Variants in PAX7 observed in about 807,000 individuals in gnomAD.
The protein encoded by PAX7 is paired box 7.
A neutral mutation model predicts 50.7 loss-of-function variants in PAX7; 18 were observed. That is an observed-to-expected ratio of 0.36 (90% CI 0.25 to 0.53). PAX7 has a LOEUF of 0.53. PAX7 is among the 20% of genes least tolerant of loss of function. PAX7 has a pLI of 0.93. For synonymous variants in PAX7, 310 were observed against 290.4 expected (o/e 1.07, Z -0.69); for missense variants, 644 against 702.9 (o/e 0.92, Z 0.95).
intron 4 of PAX7, among the ~76,000 whole-genome samples, chr1:18,690,968 G>A (rs2089059941): frequency 6.6e-6 from 1 of 152,200 alleles, no homozygotes; most frequent in Non-Finnish European, 1.5e-5. Flanking sequence ...TTGATGGGCA[G>A]CTCTGGACAC....
intron 7 of PAX7, among the ~76,000 whole-genome samples, chr1:18,705,727 A>G (rs951813951): frequency 1.3e-5 from 2 of 152,216 alleles, no homozygotes; most frequent in African/African-American, 4.8e-5. Flanking sequence ...AGGAGACTTC[A>G]GGGTTGGATG....
At chr1:18,669,731 G>A (rs1274101858) in intron 4 of PAX7, among the ~76,000 whole-genome samples, 1 of 152,244 alleles carries the variant, frequency 6.6e-6, no homozygotes, top group East Asian at 1.9e-4. Context: ...TTTGAGACGT[G>A]GACAGTAGCT....
At chr1:18,709,305 G>A (rs1191270656) in intron 7 of PAX7, among the ~76,000 whole-genome samples, 2 of 152,204 alleles carry the variant, frequency 1.3e-5, no homozygotes, top group Non-Finnish European at 2.9e-5. Context: ...GTGCTCTTTT[G>A]TAATGTCCCA....
chr1:18,711,623 A>G lies in PAX7; in HGVS notation c.1155+8327A>G, dbSNP rs142069895. 6.1e-3 allele frequency among the ~76,000 whole-genome samples: 933 copies of G among 152,106 alleles called. 10 individuals are homozygous for G. The highest frequency in any genetic ancestry group is 0.021 in the African/African-American group (875 of 41,488). On this transcript the variant is annotated intron_variant, in intron 7 of 8. Transcript: ENST00000420770. ...AAGGCTGTCTCCTGCTCCTCCCTCA[A>G]GCCCCTGGGGAAGGACGAGCTGATG...
chr1:18,682,379 A>G (rs683734), intron 4 of PAX7, among the ~76,000 whole-genome samples: 150,515 of 152,264 alleles, frequency 0.99, 74,396 homozygotes, highest in East Asian at 1. Context: ...CCCTTCAGAC[A>G]TCAGCATGGA....
chr1:18,707,832 G>A (rs574934604), intron 7 of PAX7, among the ~76,000 whole-genome samples: 44 of 152,212 alleles, frequency 2.9e-4, no homozygotes, highest in Non-Finnish European at 5.0e-4. Context: ...ATCTAGGGAA[G>A]CCACCCCCCA....
intron 7 of PAX7, among the ~76,000 whole-genome samples, chr1:18,714,197 G>C (rs11807236): frequency 0.022 from 2,369 of 108,234 alleles, 68 homozygotes; most frequent in African/African-American, 0.066. Context: ...ACAGAATGAG[G>C]CTCCGTCTCA....
At chr1:18,736,136 T>C in intron 8 of PAX7, 1 of 644,080 alleles carries the variant, frequency 1.6e-6, no homozygotes, top group South Asian at 2.0e-5. Flanking sequence ...AACACAAATA[T>C]CACTTAACAT....
intron 7 of PAX7, among the ~76,000 whole-genome samples, chr1:18,723,766 G>A (rs1208594568): frequency 2.6e-5 from 4 of 152,162 alleles, no homozygotes. Context: ...AATATGCATA[G>A]CCAGGATCTT....
At position 18,700,793 on chromosome 1, in the gene PAX7, CT is replaced by C; in HGVS notation, c.928del (p.Tyr310ThrfsTer57). The C allele has an allele frequency of 6.4e-7, 1 of 1,561,460 alleles. No homozygotes were observed. Among genetic ancestry groups the C allele is most frequent in the Non-Finnish European group, 8.7e-7 (1 of 1,153,448 alleles). On this transcript the variant is annotated frameshift_variant, in exon 6 of 9. Transcript: ENST00000420770. LOFTEE classifies it high-confidence loss of function. This position sits in a 1 kb window ranked among gnomAD's most constrained non-coding sequence, Gnocchi z 4.8. ...CCCCCTACCAGCTGCCGGACTCCAC[CT>C]ACCCCACCACCACCATCTCCCAAGG... is the stretch of plus-strand genomic sequence containing the variant. The part of the protein sequence containing the change: ...LPPYQLPDST[Y>X]PTTTISQDGG...
chr1:18,677,263 G>A (rs1034271053), intron 4 of PAX7, among the ~76,000 whole-genome samples: 1 of 152,016 alleles, frequency 6.6e-6, no homozygotes, highest in African/African-American at 2.4e-5. Context: ...TCTAAGGGGG[G>A]CGGCATGGCC....
intron 4 of PAX7, among the ~76,000 whole-genome samples, chr1:18,647,557 A>T (rs2088365784): frequency 6.6e-6 from 1 of 152,108 alleles, no homozygotes; most frequent in Non-Finnish European, 1.5e-5. Flanking sequence ...ATTCTGAAAG[A>T]TCTGGGTAAT....
At chr1:18,690,129 T>C (rs990913360) in intron 4 of PAX7, among the ~76,000 whole-genome samples, 2 of 152,230 alleles carry the variant, frequency 1.3e-5, no homozygotes, top group Non-Finnish European at 2.9e-5. Context: ...GGTCCTACCT[T>C]GCCCACTGCA....
chr1:18,693,366 C>A (rs1184433948), intron 5 of PAX7, among the ~76,000 whole-genome samples: 1 of 152,180 alleles, frequency 6.6e-6, no homozygotes, highest in Non-Finnish European at 1.5e-5. Flanking sequence ...TCACCCCCTG[C>A]AAGCCACGGG....
chr1:18,632,134 C>G lies in PAX7; in HGVS notation c.85+446C>G, dbSNP rs1341771308. Among the ~76,000 whole-genome samples the G allele has an allele frequency of 6.6e-6, 1 of 152,152 alleles. No homozygotes were observed. The highest frequency in any genetic ancestry group is 2.1e-4 in the South Asian group (1 of 4,824). ...TCTTCCAGTCCTTTATTTCGAACCA[C>G]CTACCATGGGTGATACTTTATATGC... On this transcript the variant is annotated intron_variant, in intron 1 of 8. Transcript: ENST00000420770. This position sits in a 1 kb window ranked among gnomAD's most constrained non-coding sequence, Gnocchi z 6.3.
rs2089243400 is a variant in PAX7, at chr1:18,703,165, G to A, written c.1024G>A (p.Ala342Thr). 1 of 1,611,784 alleles carries A rather than the reference G, an allele frequency of 6.2e-7. No individual in the cohort carries two copies. Among genetic ancestry groups the A allele is most frequent in the Non-Finnish European group, 8.5e-7 (1 of 1,179,584 alleles). ...STMHQGGLAAAAAAADTSSAY... is the reference protein window; with the variant it reads ...STMHQGGLAATAAAADTSSAY... Reference sequence around the variant, plus strand: ...CATGCACCAGGGCGGGCTGGCTGCAGCGGCTGCAGCCGCCGACACCAGCTC... The same window carrying A: ...CATGCACCAGGGCGGGCTGGCTGCAACGGCTGCAGCCGCCGACACCAGCTC... Residue 342 changes from alanine (A) to threonine (T), a missense_variant, in exon 7 of 9, where the codon GCG becomes ACG. Coordinates refer to ENST00000420770, the MANE Select transcript of PAX7 (RefSeq NM_001135254.2).
intron 4 of PAX7, among the ~76,000 whole-genome samples, chr1:18,667,671 G>A (rs2088690489): frequency 6.6e-6 from 1 of 152,078 alleles, no homozygotes; most frequent in Non-Finnish European, 1.5e-5. Flanking sequence ...GGAAATTTGA[G>A]GGCCATTGAA....
chr1:18,739,579 T>C (rs1001379200), intron 8 of PAX7, among the ~76,000 whole-genome samples: 1 of 152,210 alleles, frequency 6.6e-6, no homozygotes, highest in Admixed American at 6.5e-5. Flanking sequence ...AGGCTGTTTA[T>C]GCAAGGTCAC....
Position 18,721,938 on chromosome 1 carries a change from G to A in PAX7, c.1156-13694G>A, listed in dbSNP as rs2089500343. Among the ~76,000 whole-genome samples, 3 of 152,318 alleles carry A rather than the reference G, an allele frequency of 2.0e-5. No individual in the cohort carries two copies. In the South Asian group the frequency reaches 6.2e-4, roughly 32 times the overall value. ...TTAGAATTGGTCGTGTTAAATTGGAGAGTATTATCTAAGTTGGTGGCAATG... is the reference window on the plus strand; with the variant it reads ...TTAGAATTGGTCGTGTTAAATTGGAAAGTATTATCTAAGTTGGTGGCAATG... On this transcript the variant is annotated intron_variant, in intron 7 of 8. Transcript: ENST00000420770.
Sources: allele counts gnomAD v4.1 joint callset (sites outside exome capture counted in the v4.1 genomes callset), GRCh38; gene constraint gnomAD v4.1.1; non-coding constraint Gnocchi (gnomAD v3.1); transcripts MANE v1.5; gene names NCBI Gene and HGNC (gene_info 2026-07-23, HGNC 2026-07-21).